PLXND1: variants seen among roughly 807,000 people sequenced by gnomAD.
PLXND1 encodes plexin-D1.
Under a neutral mutation model 197.7 loss-of-function variants are expected in PLXND1, and 54 were observed. That is an observed-to-expected ratio of 0.27 (90% CI 0.22 to 0.34). PLXND1 has a LOEUF of 0.34. Ranked by LOEUF, PLXND1 falls within the 10% of genes least tolerant of loss-of-function variation. The pLI, the probability that PLXND1 is intolerant of heterozygous loss-of-function variation, is 1.00. For missense variants in PLXND1, 2,127 were observed against 2,699.2 expected (o/e 0.79, Z 4.70); for synonymous variants, 1,180 against 1,161.2 (o/e 1.02, Z -0.33).
chr3:129,585,925 C>G (rs756790029), intron 5 of PLXND1, 27 bp downstream of exon 5: 2 of 1,613,400 alleles, frequency 1.2e-6, no homozygotes, highest in Non-Finnish European at 1.7e-6. Context: ...GTGTCCCGAG[C>G]TGGGTCTTGC....
Position 129,570,889 on chromosome 3 carries a change from T to C in PLXND1, c.3647A>G (p.Lys1216Arg). The C allele has an allele frequency of 6.2e-7, 1 of 1,614,206 alleles. No individual in the cohort carries two copies. Among genetic ancestry groups the C allele is most frequent in the Non-Finnish European group, 8.5e-7 (1 of 1,180,016 alleles). The part of the protein sequence containing the change: ...LGLQSHEYRV[K>R]IGQVSCDIQI... ...GATGTCGCAGCTTACTTGGCCTATC[T>C]TGACCCGGTACTCGTGACTCTGGAG... Residue 1216 changes from lysine to arginine, a missense_variant, in exon 19 of 36, where the codon AAG (lysine) becomes AGG (arginine). Around this residue, in one of 6 missense-constraint regions of PLXND1, gnomAD observed 532 missense variants for 811.0 expected, o/e 0.66. Coordinates refer to ENST00000324093, the MANE Select transcript of PLXND1 (RefSeq NM_015103.3).
chr3:129,565,496 C>T lies in PLXND1; in HGVS notation c.4365G>A (p.Lys1455=). Residue 1455 remains lysine, a synonymous_variant, in exon 25 of 36, where the codon AAG becomes AAA. Transcript: ENST00000324093. ...ASLLTIALHG[K]LEYYTSIMKE... ...TCATGATGCTGGTGTAGTACTCCAG[C>T]TTGCCGTGCAGCGCGATGGTCAGCA... 6.2e-7 allele frequency: 1 copy of T among 1,613,926 alleles called. No homozygotes were observed. The highest frequency in any genetic ancestry group is 8.5e-7 in the Non-Finnish European group (1 of 1,180,026).
At chr3:129,590,533 T>A (rs1219768211) in intron 1 of PLXND1, among the ~76,000 whole-genome samples, 2 of 152,116 alleles carry the variant, frequency 1.3e-5, no homozygotes, top group African/African-American at 4.8e-5. Flanking sequence ...TCATGGCTTA[T>A]CATCCAGGAG....
chr3:129,576,161 C>T (rs551992396), intron 9 of PLXND1, among the ~76,000 whole-genome samples: 1 of 152,344 alleles, frequency 6.6e-6, no homozygotes, highest in East Asian at 1.9e-4. Context: ...CCTAAGGCTC[C>T]ACTCCCAGCG....
chr3:129,584,584 C>T (rs1022228792), intron 5 of PLXND1, 22 bp from the exon 6 acceptor site: 1 of 1,584,594 alleles, frequency 6.3e-7, no homozygotes, highest in Non-Finnish European at 8.6e-7. Flanking sequence ...GAGCCCTCAG[C>T]TCTGGGGGTC....
At chr3:129,596,157 A>G (rs2085618869) in intron 1 of PLXND1, among the ~76,000 whole-genome samples, 1 of 152,092 alleles carries the variant, frequency 6.6e-6, no homozygotes, top group Non-Finnish European at 1.5e-5. Context: ...TAGGTGCTCA[A>G]TAAATGTTCC....
rs368317576 is a variant in PLXND1, at chr3:129,601,860, G to C, written c.1311+3469C>G. 2.0e-5 allele frequency among the ~76,000 whole-genome samples: 3 copies of C among 152,168 alleles called. No individual in the cohort carries two copies. In the South Asian group the frequency reaches 6.2e-4, roughly 32 times the overall value. ...CTCAGCACTGCTGCAGACCAGGCCA[G>C]CCATGTCTCCAGAGAACAAGGCCGG... On this transcript the variant is annotated intron_variant, in intron 1 of 35. Coordinates refer to ENST00000324093, the MANE Select transcript of PLXND1 (RefSeq NM_015103.3).
intron 8 of PLXND1, among the ~76,000 whole-genome samples, chr3:129,583,098 TG>T (rs2085407940): frequency 6.6e-6 from 1 of 152,180 alleles, no homozygotes; most frequent in African/African-American, 2.4e-5. Flanking sequence ...CAGAGGGACT[TG>T]GGTTAAGGCC....
At position 129,556,334 on chromosome 3, in the gene PLXND1, T is replaced by C; in HGVS notation, c.5756A>G (p.Tyr1919Cys). 3 of 1,612,850 alleles carry C rather than the reference T, an allele frequency of 1.9e-6. No individual in the cohort carries two copies. Among genetic ancestry groups the C allele is most frequent in the Non-Finnish European group, 1.7e-6 (2 of 1,178,762 alleles). ...GTCTCAGGCCTCACTGTAGCACTCG[T>C]AGATGTTGTCCTCCATCAAAGCCAC... ...QVVALMEDNIYECYSEA is the reference protein window; with the variant it reads ...QVVALMEDNICECYSEA Residue 1919 changes from tyrosine (Y) to cysteine (C), a missense_variant, in exon 36 of 36, where the codon TAC (tyrosine) becomes TGC (cysteine). By Grantham distance (194) the Tyr-to-Cys change is radical. Coordinates refer to ENST00000324093, the MANE Select transcript of PLXND1 (RefSeq NM_015103.3).
Position 129,556,104 on chromosome 3 carries a change from T to C in PLXND1, c.*208A>G. ...CTGGCCTCCATCCCAGAGACTGATC[T>C]GGGGACAGGTGGGAGGGGATGGAGG... On this transcript the variant is annotated 3_prime_UTR_variant, in exon 36 of 36. Transcript: ENST00000324093. 1 of 554,210 alleles carries C rather than the reference T, an allele frequency of 1.8e-6. No homozygotes were observed. Among genetic ancestry groups the C allele is most frequent in the Non-Finnish European group, 3.3e-6 (1 of 307,682 alleles). 34.3% of individuals were successfully genotyped at this position (554,210 alleles called of 1,614,324 possible).
intron 27 of PLXND1, 197 bp downstream of exon 27, chr3:129,562,590 T>A: frequency 2.1e-6 from 1 of 487,060 alleles, no homozygotes. Context: ...CTTTTTGCTG[T>A]TGTCCGTAGT....
Position 129,583,639 on chromosome 3 carries a change from G to A in PLXND1, c.2169C>T (p.Pro723=). 1 of 1,613,452 alleles carries A rather than the reference G, an allele frequency of 6.2e-7. No homozygotes were observed. Among genetic ancestry groups the A allele is most frequent in the Non-Finnish European group, 8.5e-7 (1 of 1,179,906 alleles). Residue 723 remains proline (P), a synonymous_variant, in exon 8 of 36, where the codon CCC becomes CCT. Transcript: ENST00000324093. The part of the protein sequence containing the change: ...ACTSCLSAQW[P]CFWCSQQHSC... ...AGTGCTGCTGGCTGCACCAGAAACA[G>A]GGCCACTGTGCCGACAGGCAGCTGG...
At chr3:129,560,287 C>T (rs1461740444) in intron 31 of PLXND1, 43 bp downstream of exon 31, 1 of 1,266,612 alleles carries the variant, frequency 7.9e-7, no homozygotes, top group Admixed American at 1.7e-5. Context: ...GGGGCTGGAG[C>T]CTTGTACCCA....
Position 129,584,152 on chromosome 3 carries a change from C to T in PLXND1, c.2111G>A (p.Arg704His), listed in dbSNP as rs770412397. 5.7e-6 allele frequency: 9 copies of T among 1,566,144 alleles called. No individual in the cohort carries two copies. The highest frequency in any genetic ancestry group is 2.7e-5 in the African/African-American group (2 of 74,156). The change falls in exon 7 of 36, where the codon CGC becomes CAC. Residue 704 changes from arginine to histidine, a missense_variant. Transcript: ENST00000324093. ...TGTGTGGGGGTACACTTGTGCAGTG[C>T]GGCTGCAGTCGTAGATGGTGAAATT... ...KANFTIYDCS[R>H]TAQVYPHTAC... is the part of the protein sequence containing the mutation.
chr3:129,580,841 C>T (rs1352107789), intron 8 of PLXND1, among the ~76,000 whole-genome samples: 1 of 151,850 alleles, frequency 6.6e-6, no homozygotes, highest in Non-Finnish European at 1.5e-5. Context: ...CCCCAGGGAC[C>T]CCCACAATTG....
chr3:129,571,367 G>A (rs2085225066), intron 17 of PLXND1, 64 bp from the exon 18 acceptor site: 10 of 1,570,560 alleles, frequency 6.4e-6, no homozygotes, highest in South Asian at 3.4e-5. Flanking sequence ...ATGGAGAAAC[G>A]GTGGGGAGTG....
rs1183634622 is a variant in PLXND1, at chr3:129,571,501, T to A, written c.3336+8A>T. 1.2e-6 allele frequency: 2 copies of A among 1,610,512 alleles called. No homozygotes were observed. On this transcript the variant is annotated splice_region_variant and intron_variant, in intron 17 of 35. Coordinates refer to ENST00000324093, the MANE Select transcript of PLXND1 (RefSeq NM_015103.3). The stretch of plus-strand genomic sequence containing the variant: ...CCCTCCCACCCATCAGGCCCCCGAA[T>A]GCCTCACCGTGGGCTCCCGGCCAAT...
intron 32 of PLXND1, 190 bp downstream of exon 32, chr3:129,559,430 G>T: frequency 1.8e-6 from 1 of 542,038 alleles, no homozygotes; most frequent in Non-Finnish European, 3.3e-6. Context: ...ATTAACATGG[G>T]TCGCATTTTA....
intron 15 of PLXND1, among the ~76,000 whole-genome samples, chr3:129,572,397 T>C (rs543954301): frequency 2.2e-4 from 34 of 152,238 alleles, no homozygotes; most frequent in Admixed American, 4.6e-4. Flanking sequence ...AACTACTGTA[T>C]ACCTGGCACA....
Sources: gnomAD v4.1 joint callset for allele counts (sites outside exome capture counted in the v4.1 genomes callset) on GRCh38, gnomAD v4.1.1 for gene constraint, gnomAD v4.1.1 regional missense constraint, MANE v1.5 for transcripts, NCBI Gene and HGNC (gene_info 2026-07-23, HGNC 2026-07-21) for gene names.